The following MALRD1 variants were observed in gnomAD, a reference collection of about 807,000 sequenced individuals.
MALRD1 encodes MAM and LDL-receptor class A domain-containing protein 1.
Under a neutral mutation model 242.1 loss-of-function variants are expected in MALRD1, and 247 were observed. That is an observed-to-expected ratio of 1.02 (90% CI 0.92 to 1.13). The LOEUF is 1.13. MALRD1 is among the 50% of genes most tolerant of loss of function. The probability of loss-of-function intolerance (pLI) is 0.00; values close to 1 mark genes in which losing one functional copy is unlikely to be tolerated. For synonymous variants in MALRD1, 995 were observed against 866.6 expected (o/e 1.15, Z -2.60); for missense variants, 2,989 against 2,533.1 (o/e 1.18, Z -3.86).
At chr10:19,387,836 T>C in intron 27 of MALRD1, 63 bp downstream of exon 27, 1 of 1,500,514 alleles carries the variant, frequency 6.7e-7, no homozygotes, top group East Asian at 2.5e-5. Flanking sequence ...CAAAATGTCT[T>C]TTCTGATAGC....
At chr10:19,562,994 A>T (rs1042103782) in intron 32 of MALRD1, among the ~76,000 whole-genome samples, 3 of 152,156 alleles carry the variant, frequency 2.0e-5, no homozygotes, top group African/African-American at 7.2e-5. Context: ...GCTCTAATGG[A>T]TCTAAAAATA....
At chr10:19,472,549 A>G (rs1836546933) in intron 29 of MALRD1, among the ~76,000 whole-genome samples, 2 of 151,914 alleles carry the variant, frequency 1.3e-5, no homozygotes, top group South Asian at 4.1e-4. Flanking sequence ...TTCTTTGTTG[A>G]GAGTTTTTGA....
intron 32 of MALRD1, among the ~76,000 whole-genome samples, chr10:19,539,658 C>T (rs1190461406): frequency 6.6e-6 from 1 of 151,922 alleles, no homozygotes; most frequent in Non-Finnish European, 1.5e-5. Context: ...ACATGCCACG[C>T]AATCCTTTTG....
At chr10:19,053,267 A>C (rs1184458059) in intron 1 of MALRD1, among the ~76,000 whole-genome samples, 3 of 152,178 alleles carry the variant, frequency 2.0e-5, no homozygotes, top group Admixed American at 1.3e-4. Context: ...CTTGCCTGTA[A>C]TTGCTTTTGT....
At chr10:19,372,737 G>A (rs1845433911) in intron 26 of MALRD1, among the ~76,000 whole-genome samples, 3 of 151,940 alleles carry the variant, frequency 2.0e-5, no homozygotes, top group Non-Finnish European at 4.4e-5. Flanking sequence ...CTAAGTGCTG[G>A]GATTACAGGT....
intron 33 of MALRD1, among the ~76,000 whole-genome samples, chr10:19,583,900 G>C (rs1485627971): frequency 6.6e-6 from 1 of 152,136 alleles, no homozygotes; most frequent in African/African-American, 2.4e-5. Flanking sequence ...CACAATTTCA[G>C]CTCCTGTTAT....
chr10:19,662,141 A>C (rs1341369108), intron 36 of MALRD1, among the ~76,000 whole-genome samples: 2 of 152,164 alleles, frequency 1.3e-5, no homozygotes, highest in Non-Finnish European at 2.9e-5. Context: ...AGGAAGAAAA[A>C]AAATAATTGA....
chr10:19,205,737 C>A (rs1308162782), intron 17 of MALRD1, among the ~76,000 whole-genome samples: 1 of 151,904 alleles, frequency 6.6e-6, no homozygotes, highest in Non-Finnish European at 1.5e-5. Context: ...GCCAGTGTGG[C>A]TGGAGCAAGG....
At chr10:19,680,667 G>C (rs1371282759) in intron 36 of MALRD1, among the ~76,000 whole-genome samples, 1 of 152,100 alleles carries the variant, frequency 6.6e-6, no homozygotes, top group Non-Finnish European at 1.5e-5. Context: ...ATGTGAATGT[G>C]ATCCTGTCAT....
intron 12 of MALRD1, among the ~76,000 whole-genome samples, chr10:19,156,434 C>T (rs1379776964): frequency 6.9e-6 from 1 of 144,286 alleles, no homozygotes; most frequent in Non-Finnish European, 1.5e-5. Context: ...ATAAGATAGA[C>T]AGAAAAAGAG....
intron 18 of MALRD1, among the ~76,000 whole-genome samples, chr10:19,228,003 T>A (rs1009714927): frequency 3.3e-5 from 5 of 152,182 alleles, no homozygotes; most frequent in Non-Finnish European, 7.4e-5. Context: ...ACCTGGCTAG[T>A]GGGACTTCAA....
chr10:19,419,411 C>A (rs901823429), intron 28 of MALRD1, among the ~76,000 whole-genome samples: 11 of 152,202 alleles, frequency 7.2e-5, no homozygotes, highest in African/African-American at 1.9e-4. Flanking sequence ...TCTCCTGTAT[C>A]AGCCCCCTGA....
intron 19 of MALRD1, among the ~76,000 whole-genome samples, chr10:19,267,301 AT>A (rs762612581): frequency 6.6e-6 from 1 of 152,074 alleles, no homozygotes; most frequent in East Asian, 1.9e-4. Context: ...TTTCCCCAGG[AT>A]AACTGTTACT....
chr10:19,310,911 A>G (rs1842399502), intron 21 of MALRD1, among the ~76,000 whole-genome samples: 1 of 151,444 alleles, frequency 6.6e-6, no homozygotes, highest in Non-Finnish European at 1.5e-5. Flanking sequence ...CTCCCGCATG[A>G]GTCTGTAAGC....
At chr10:19,717,759 A>T (rs1264795653) in intron 38 of MALRD1, among the ~76,000 whole-genome samples, 1 of 151,950 alleles carries the variant, frequency 6.6e-6, no homozygotes, top group Non-Finnish European at 1.5e-5. Context: ...GCTCACACCT[A>T]CAATCTCAGC....
At chr10:19,599,608 G>T (rs896108989) in intron 34 of MALRD1, among the ~76,000 whole-genome samples, 1 of 152,084 alleles carries the variant, frequency 6.6e-6, no homozygotes, top group African/African-American at 2.4e-5. Context: ...CAATATCCTG[G>T]CAAGAAATAG....
chr10:19,055,351 T>C (rs1332144853), intron 1 of MALRD1, among the ~76,000 whole-genome samples: 4 of 152,184 alleles, frequency 2.6e-5, no homozygotes, highest in Non-Finnish European at 5.9e-5. Context: ...TCTGTGGATT[T>C]TGTCTTTACT....
chr10:19,187,213 G>T (rs1373839806), intron 14 of MALRD1, among the ~76,000 whole-genome samples: 2 of 152,092 alleles, frequency 1.3e-5, no homozygotes, highest in African/African-American at 4.8e-5. Context: ...TAATATTAGG[G>T]CCCTGCTTCC....
chr10:19,502,713 A>G (rs1006167808), intron 31 of MALRD1, among the ~76,000 whole-genome samples: 1 of 152,152 alleles, frequency 6.6e-6, no homozygotes, highest in Non-Finnish European at 1.5e-5. Flanking sequence ...AGCTCGTTAG[A>G]TATTATCTGC....
Sources: allele counts gnomAD v4.1 joint callset (sites outside exome capture counted in the v4.1 genomes callset), GRCh38; gene constraint gnomAD v4.1.1; transcripts MANE v1.5; gene names NCBI Gene and HGNC (gene_info 2026-07-23, HGNC 2026-07-21).